The following TMEM117 variants were observed in gnomAD, a reference collection of about 807,000 sequenced individuals.
TMEM117 encodes transmembrane protein 117.
TMEM117 carries 27 observed loss-of-function variants against 52.4 expected under a neutral mutation model. The ratio of observed to expected loss-of-function variants is 0.51; its 90% confidence interval spans 0.38 to 0.71. The LOEUF is 0.71. TMEM117 is among the 30% of genes least tolerant of loss of function. The pLI, the probability that TMEM117 is intolerant of heterozygous loss-of-function variation, is 0.00. For missense variants in TMEM117, 556 were observed against 630.5 expected (o/e 0.88, Z 1.26); for synonymous variants, 215 against 206.3 (o/e 1.04, Z -0.36).
intron 2 of TMEM117, among the ~76,000 whole-genome samples, chr12:43,867,839 G>A (rs1457793624): frequency 1.3e-5 from 2 of 152,120 alleles, no homozygotes; most frequent in Non-Finnish European, 2.9e-5. Flanking sequence ...ATAATTTATT[G>A]TCCTTCTCTT....
chr12:43,973,328 T>A (rs1945622322), intron 3 of TMEM117, among the ~76,000 whole-genome samples: 1 of 151,896 alleles, frequency 6.6e-6, no homozygotes, highest in Non-Finnish European at 1.5e-5. Flanking sequence ...GAGAAAAAAA[T>A]TTCCAGAAAA....
At chr12:44,133,823 A>G (rs1019681612) in intron 3 of TMEM117, among the ~76,000 whole-genome samples, 3 of 152,064 alleles carry the variant, frequency 2.0e-5, no homozygotes, top group African/African-American at 4.8e-5. Context: ...TGCCACTTCT[A>G]TATTATTGGC....
At chr12:43,797,908 C>G in the TMEM117 span, 1 of 1,465,456 alleles carries the variant, frequency 6.8e-7, no homozygotes, top group Non-Finnish European at 9.2e-7. Flanking sequence ...AACCCAACCT[C>G]TATAAAATAG....
intron 3 of TMEM117, among the ~76,000 whole-genome samples, chr12:44,037,729 G>A (rs1592462273): frequency 6.6e-6 from 1 of 152,242 alleles, no homozygotes; most frequent in East Asian, 1.9e-4. Context: ...GTAGATGACT[G>A]AGATGACTGG....
chr12:43,943,409 T>C (rs1157322115), intron 2 of TMEM117, among the ~76,000 whole-genome samples: 1 of 152,180 alleles, frequency 6.6e-6, no homozygotes, highest in East Asian at 1.9e-4. Flanking sequence ...CCATCATTTC[T>C]CTTTACCATA....
chr12:43,830,232 T>C, the TMEM117 span, among the ~76,000 whole-genome samples: 1 of 152,156 alleles, frequency 6.6e-6, no homozygotes, highest in South Asian at 2.1e-4. Flanking sequence ...GGAGTGATGC[T>C]GACCACCCCA....
chr12:43,991,613 G>T (rs1169789082), intron 3 of TMEM117, among the ~76,000 whole-genome samples: 4 of 151,992 alleles, frequency 2.6e-5, no homozygotes, highest in Admixed American at 6.6e-5. Context: ...CTTGTTTTGA[G>T]GATTAAAGGA....
chr12:44,135,829 A>G (rs1194332987), intron 3 of TMEM117, among the ~76,000 whole-genome samples: 2 of 152,104 alleles, frequency 1.3e-5, no homozygotes, highest in African/African-American at 4.8e-5. Flanking sequence ...CATTGTTTTT[A>G]TTCCATTATT....
At chr12:43,960,287 T>C (rs1017660982) in intron 3 of TMEM117, among the ~76,000 whole-genome samples, 8 of 134,154 alleles carry the variant, frequency 6.0e-5, no homozygotes, top group Non-Finnish European at 1.1e-4. Context: ...AGGGAGGCCC[T>C]GGAGAGGGGG....
intron 5 of TMEM117, among the ~76,000 whole-genome samples, chr12:44,284,235 C>A (rs1950611501): frequency 6.6e-6 from 1 of 152,112 alleles, no homozygotes; most frequent in Non-Finnish European, 1.5e-5. Context: ...TTGCTTGAAC[C>A]CGAGAGGTGG....
chr12:43,974,464 A>C (rs1198824820), intron 3 of TMEM117, among the ~76,000 whole-genome samples: 2 of 152,132 alleles, frequency 1.3e-5, no homozygotes, highest in Non-Finnish European at 2.9e-5. Context: ...TGTTTTGTAA[A>C]GGACTTGTTC....
At chr12:44,286,244 A>T (rs1329359634) in intron 5 of TMEM117, among the ~76,000 whole-genome samples, 1 of 151,596 alleles carries the variant, frequency 6.6e-6, no homozygotes, top group Non-Finnish European at 1.5e-5. Context: ...TATGATATTC[A>T]TGACTGGAAT....
At chr12:44,307,587 AAGGGATTAAATCTCAACTTTATTT>A (rs1950919227) in intron 6 of TMEM117, among the ~76,000 whole-genome samples, 1 of 152,210 alleles carries the variant, frequency 6.6e-6, no homozygotes, top group African/African-American at 2.4e-5. Flanking sequence ...GTATGTGCTT[AAGGGATTAAATCTCAACTTTATTT>A]ACTCTCACTT....
At chr12:44,160,335 T>C (rs1417013471) in intron 4 of TMEM117, among the ~76,000 whole-genome samples, 1 of 152,140 alleles carries the variant, frequency 6.6e-6, no homozygotes, top group East Asian at 1.9e-4. Flanking sequence ...TATATATCCA[T>C]ATTTCTCTAC....
chr12:44,208,591 A>G (rs1451719544), intron 4 of TMEM117, among the ~76,000 whole-genome samples: 1 of 152,122 alleles, frequency 6.6e-6, no homozygotes, highest in East Asian at 1.9e-4. Context: ...TATGGAATGC[A>G]TACCTTTAAT....
chr12:44,202,964 T>G (rs1186870018), intron 4 of TMEM117, among the ~76,000 whole-genome samples: 3 of 152,066 alleles, frequency 2.0e-5, no homozygotes, highest in Admixed American at 6.5e-5. Flanking sequence ...TTTTTTCTTT[T>G]TCATATTTTT....
At chr12:43,803,464 T>C in the TMEM117 span, among the ~76,000 whole-genome samples, 5,982 of 152,230 alleles carry the variant, frequency 0.039, 143 homozygotes, top group African/African-American at 0.048. Context: ...AGGGGAGATA[T>C]AGGTATTTAT....
At chr12:43,948,240 C>G (rs1037673413) in intron 3 of TMEM117, among the ~76,000 whole-genome samples, 2 of 152,072 alleles carry the variant, frequency 1.3e-5, no homozygotes, top group Non-Finnish European at 2.9e-5. Context: ...AACCTTGTCT[C>G]AAATTTGACT....
intron 2 of TMEM117, among the ~76,000 whole-genome samples, chr12:43,889,578 C>T (rs1944064710): frequency 6.6e-6 from 1 of 152,192 alleles, no homozygotes; most frequent in South Asian, 2.1e-4. Flanking sequence ...CAGTCTGCGA[C>T]CCAGAGGTTG....
Sources: gnomAD v4.1 joint callset for allele counts (sites outside exome capture counted in the v4.1 genomes callset) on GRCh38, gnomAD v4.1.1 for gene constraint, MANE v1.5 for transcripts, NCBI Gene and HGNC (gene_info 2026-07-23, HGNC 2026-07-21) for gene names.